The following AGAP1 variants were observed in gnomAD, a reference collection of about 807,000 sequenced individuals.
The protein encoded by AGAP1 is arf-GAP with GTPase, ANK repeat and PH domain-containing protein 1.
A neutral mutation model predicts 105.3 loss-of-function variants in AGAP1; 29 were observed. That is an observed-to-expected ratio of 0.28 (90% CI 0.21 to 0.38). AGAP1 has a LOEUF of 0.38. Ranked by LOEUF, AGAP1 falls within the 10% of genes least tolerant of loss-of-function variation. AGAP1 has a pLI of 1.00. For synonymous variants in AGAP1, 509 were observed against 485.9 expected (o/e 1.05, Z -0.63); for missense variants, 998 against 1,165.1 (o/e 0.86, Z 2.09).
At chr2:235,802,633 GGTGATGATGGTT>G (rs1957547933) in intron 8 of AGAP1, among the ~76,000 whole-genome samples, 1 of 152,040 alleles carries the variant, frequency 6.6e-6, no homozygotes, top group African/African-American at 2.4e-5. Context: ...AAATGATGGT[GGTGATGATGGTT>G]GTGGTGATGA....
chr2:235,783,426 G>A (rs759445177), intron 6 of AGAP1: 2 of 470,160 alleles, frequency 4.3e-6, no homozygotes, highest in Non-Finnish European at 8.8e-6. Context: ...CTTTCTTTGT[G>A]GTAGGACATC....
chr2:235,641,523 A>G (rs1393924935), intron 1 of AGAP1, among the ~76,000 whole-genome samples: 1 of 151,824 alleles, frequency 6.6e-6, no homozygotes. Context: ...AAAAAGTTGG[A>G]GAGGCTGAGT....
chr2:235,706,457 TG>T (rs1379446295), intron 1 of AGAP1, among the ~76,000 whole-genome samples: 2 of 152,092 alleles, frequency 1.3e-5, no homozygotes, highest in Admixed American at 1.3e-4. Flanking sequence ...CTTGATCTCC[TG>T]ACCTCGTGAT....
chr2:235,859,599 T>C (rs2048839946), intron 9 of AGAP1, among the ~76,000 whole-genome samples: 1 of 151,490 alleles, frequency 6.6e-6, no homozygotes, highest in South Asian at 2.1e-4. Flanking sequence ...CATAGCTGAC[T>C]ATACCTTAAC....
chr2:235,606,999 C>T (rs780663631), intron 1 of AGAP1, among the ~76,000 whole-genome samples: 9 of 146,726 alleles, frequency 6.1e-5, no homozygotes, highest in South Asian at 4.4e-4. Context: ...TAATTGTTTA[C>T]GAACCTGTTT....
intron 16 of AGAP1, among the ~76,000 whole-genome samples, chr2:236,070,444 C>A (rs1406654089): frequency 6.6e-6 from 1 of 152,270 alleles, no homozygotes; most frequent in East Asian, 1.9e-4. Context: ...CACCCCTAGG[C>A]GTATCCACAA....
At chr2:236,074,832 A>G (rs1385895373) in intron 16 of AGAP1, among the ~76,000 whole-genome samples, 2 of 152,196 alleles carry the variant, frequency 1.3e-5, no homozygotes, top group Admixed American at 1.3e-4. Flanking sequence ...AAGCATGCGC[A>G]TCAGTTGAGC....
At chr2:235,538,583 A>T (rs914378026) in intron 1 of AGAP1, among the ~76,000 whole-genome samples, 2 of 151,936 alleles carry the variant, frequency 1.3e-5, no homozygotes, top group Non-Finnish European at 2.9e-5. Flanking sequence ...TCCTTGTTGC[A>T]GGCATGGAGC....
chr2:235,680,492 G>A (rs1949006316), intron 1 of AGAP1, among the ~76,000 whole-genome samples: 2 of 152,216 alleles, frequency 1.3e-5, no homozygotes, highest in South Asian at 2.1e-4. Flanking sequence ...CCCCATCTCT[G>A]TTCTGTGGCT....
intron 16 of AGAP1, among the ~76,000 whole-genome samples, chr2:236,099,190 C>T (rs760869989): frequency 6.6e-5 from 10 of 152,068 alleles, no homozygotes; most frequent in Non-Finnish European, 1.3e-4. Flanking sequence ...CGGTGGCTCA[C>T]GCCTGTAATC....
rs553993810 is a variant in AGAP1 at position 235,623,613 on chromosome 2, A to G, written c.164-85566A>G. Among the ~76,000 whole-genome samples the G allele has an allele frequency of 1.3e-5, 2 of 152,178 alleles. No individual in the cohort carries two copies. The highest frequency in any genetic ancestry group is 4.8e-5 in the African/African-American group (2 of 41,528). On this transcript the variant is annotated intron_variant, in intron 1 of 17. Transcript: ENST00000304032. This position sits in a 1 kb window ranked among gnomAD's most constrained non-coding sequence, Gnocchi z 4.5. ...TGTGGGCCATTGAGCCAGCCTGGAGATGCATGGTAGGTTAGGGTGCTGTGT... is the reference window on the plus strand; with the variant it reads ...TGTGGGCCATTGAGCCAGCCTGGAGGTGCATGGTAGGTTAGGGTGCTGTGT...
rs375110513 is a variant in AGAP1, at chr2:235,867,572, T to TGTGTGTGTGTGTGTGTGTGTGTGTGC, written c.1051-15770_1051-15769insTGTGTGTGTGTGTGTGTGTGTGCGTG. On this transcript the variant is annotated intron_variant, in intron 9 of 17. Coordinates refer to ENST00000304032, the MANE Select transcript of AGAP1 (RefSeq NM_001037131.3). The surrounding 1 kb of genome is among the most constrained non-coding windows in gnomAD (Gnocchi z 5.4). ...GTGTGTGTGTGTGTGTGTGTGTGTG[T>TGTGTGTGTGTGTGTGTGTGTGTGTGC]GTGCAAGTGAGGGAGGGTGACCCCC... is the stretch of plus-strand genomic sequence containing the variant. 2.7e-5 allele frequency among the ~76,000 whole-genome samples: 4 copies of TGTGTGTGTGTGTGTGTGTGTGTGTGC among 148,490 alleles called. No individual in the cohort carries two copies. Among genetic ancestry groups the TGTGTGTGTGTGTGTGTGTGTGTGTGC allele is most frequent in the Non-Finnish European group, 6.0e-5 (4 of 67,056 alleles).
chr2:235,761,688 C>G (rs762495247), intron 6 of AGAP1, among the ~76,000 whole-genome samples: 4 of 152,176 alleles, frequency 2.6e-5, no homozygotes, highest in Admixed American at 2.0e-4. Flanking sequence ...AGTTAACCCT[C>G]CATGGAATCG....
chr2:235,949,778 G>A (rs1043381293), intron 12 of AGAP1, among the ~76,000 whole-genome samples: 5 of 152,110 alleles, frequency 3.3e-5, no homozygotes. Flanking sequence ...CCCCAGCCAC[G>A]CCGCACCCCC....
chr2:235,955,109 G>A (rs1185820716), intron 12 of AGAP1, among the ~76,000 whole-genome samples: 1 of 152,184 alleles, frequency 6.6e-6, no homozygotes, highest in Non-Finnish European at 1.5e-5. Context: ...CATTTCCTGT[G>A]TGAAGAAATT....
intron 6 of AGAP1, among the ~76,000 whole-genome samples, chr2:235,774,776 G>A (rs1444971823): frequency 6.6e-6 from 1 of 152,156 alleles, no homozygotes; most frequent in Non-Finnish European, 1.5e-5. Flanking sequence ...CAGTCCTAAA[G>A]TAATTACTAA....
In AGAP1 at chr2:235,554,410, G is replaced by A. The variant is rs573644787; in HGVS notation, c.163+59561G>A. Among the ~76,000 whole-genome samples, 8 of 152,342 alleles carry A rather than the reference G, an allele frequency of 5.3e-5. No individual in the cohort carries two copies. In the South Asian group the frequency reaches 1.5e-3, roughly 28 times the overall value. The stretch of plus-strand genomic sequence containing the variant: ...CCCAGAGTAGAGATGGGGCACCTGT[G>A]CCCGGGCATTGATTTCCTGGGAAGG... On this transcript the variant is annotated intron_variant, in intron 1 of 17. Transcript: ENST00000304032.
intron 13 of AGAP1, among the ~76,000 whole-genome samples, chr2:235,972,223 C>G (rs893456618): frequency 6.6e-6 from 1 of 152,172 alleles, no homozygotes; most frequent in Admixed American, 6.5e-5. Context: ...TATAAAACTT[C>G]TATAGAAGAT....
At chr2:236,072,720 A>G (rs950384919) in intron 16 of AGAP1, among the ~76,000 whole-genome samples, 5 of 151,642 alleles carry the variant, frequency 3.3e-5, no homozygotes, top group African/African-American at 9.8e-5. Flanking sequence ...TTGGCCTCCC[A>G]AAGTGCTAGG....
Sources: allele counts gnomAD v4.1 joint callset (sites outside exome capture counted in the v4.1 genomes callset), GRCh38; gene constraint gnomAD v4.1.1; non-coding constraint Gnocchi (gnomAD v3.1); transcripts MANE v1.5; gene names NCBI Gene and HGNC (gene_info 2026-07-23, HGNC 2026-07-21).